Variants in PCNX2 observed in about 807,000 individuals in gnomAD.
The protein encoded by PCNX2 is pecanex 2.
PCNX2 carries 168 observed loss-of-function variants against 223.8 expected under a neutral mutation model. The ratio of observed to expected loss-of-function variants is 0.75; its 90% CI spans 0.66 to 0.85. PCNX2 has a LOEUF of 0.85. PCNX2 is among the 40% of genes least tolerant of loss of function. The pLI is 0.00. For synonymous variants in PCNX2, 1,006 were observed against 1,052.6 expected (o/e 0.96, Z 0.86); for missense variants, 2,507 against 2,675.5 (o/e 0.94, Z 1.39).
chr1:233,203,501 A>G (rs1032325778), intron 13 of PCNX2, among the ~76,000 whole-genome samples: 16 of 152,232 alleles, frequency 1.1e-4, no homozygotes, highest in Non-Finnish European at 2.4e-4. Context: ...GGATCATAAA[A>G]GAAAAAGAAA....
intron 21 of PCNX2, among the ~76,000 whole-genome samples, chr1:233,129,957 A>C (rs143936257): frequency 1.3e-5 from 2 of 152,144 alleles, no homozygotes; most frequent in East Asian, 3.9e-4. Context: ...TTTGCTGCTC[A>C]CTGTTCGGGT....
chr1:233,324,572 A>G, the PCNX2 span, among the ~76,000 whole-genome samples: 1 of 150,842 alleles, frequency 6.6e-6, no homozygotes, highest in Non-Finnish European at 1.5e-5. Context: ...ATGACAGCAC[A>G]TCTGTTTACA....
At chr1:233,299,689 G>A (rs1662229801), upstream of PCNX2, among the ~76,000 whole-genome samples, 1 of 152,156 alleles carries the variant, frequency 6.6e-6, no homozygotes, top group African/African-American at 2.4e-5. Flanking sequence ...GTTTGAGTCG[G>A]GAATATGCAG....
chr1:232,996,229 C>A (rs1669868820), intron 32 of PCNX2, among the ~76,000 whole-genome samples: 1 of 152,048 alleles, frequency 6.6e-6, no homozygotes, highest in African/African-American at 2.4e-5. Flanking sequence ...CCACCTCTGA[C>A]CCCTGTCTCT....
chr1:233,227,486 A>G, intron 9 of PCNX2, 115 bp from the exon 10 acceptor site: 1 of 927,930 alleles, frequency 1.1e-6, no homozygotes, highest in Non-Finnish European at 1.4e-6. Context: ...ACCATAATTT[A>G]AAAATACAAA....
intron 26 of PCNX2, among the ~76,000 whole-genome samples, chr1:233,020,646 C>T (rs922647329): frequency 6.6e-6 from 1 of 152,234 alleles, no homozygotes. Flanking sequence ...CAGTGATAAG[C>T]GTGTCTCCTT....
intron 19 of PCNX2, among the ~76,000 whole-genome samples, chr1:233,157,692 G>C (rs549964991): frequency 1.3e-5 from 2 of 152,340 alleles, no homozygotes; most frequent in African/African-American, 4.8e-5. Flanking sequence ...CAAAACCTAA[G>C]AGGCAGAAGT....
intron 4 of PCNX2, chr1:233,259,751 T>C (rs2102996722): frequency 3.3e-6 from 2 of 607,722 alleles, no homozygotes; most frequent in South Asian, 1.5e-4. Context: ...CTGAGAATGA[T>C]GGTTTCCAGC....
chr1:233,277,098 C>G (rs1366805351), intron 1 of PCNX2, among the ~76,000 whole-genome samples: 1 of 152,128 alleles, frequency 6.6e-6, no homozygotes, highest in African/African-American at 2.4e-5. Context: ...GCAAAGGATA[C>G]AAATCAGCAT....
the PCNX2 span, among the ~76,000 whole-genome samples, chr1:233,316,406 T>C: frequency 1.5e-4 from 22 of 150,574 alleles, no homozygotes; most frequent in African/African-American, 5.1e-4. Context: ...CACTTTTTTT[T>C]CACTTGTTTG....
intron 23 of PCNX2, among the ~76,000 whole-genome samples, chr1:233,059,131 T>C (rs1672305927): frequency 6.6e-6 from 1 of 151,916 alleles, no homozygotes; most frequent in African/African-American, 2.4e-5. Context: ...CCATTCCCAC[T>C]CATTTTTCCT....
At chr1:233,158,861 A>G (rs1045450287) in intron 19 of PCNX2, among the ~76,000 whole-genome samples, 13 of 152,204 alleles carry the variant, frequency 8.5e-5, no homozygotes, top group Admixed American at 1.3e-4. Context: ...CAGAAGTTCT[A>G]TAGAAACTGG....
intron 5 of PCNX2, among the ~76,000 whole-genome samples, 156 bp downstream of exon 5, chr1:233,257,872 C>T (rs535955579): frequency 1.3e-5 from 2 of 152,260 alleles, no homozygotes; most frequent in East Asian, 1.9e-4. Context: ...AGCTTAGTAT[C>T]GGTACATTCA....
chr1:233,320,982 T>G, the PCNX2 span, among the ~76,000 whole-genome samples: 2 of 151,888 alleles, frequency 1.3e-5, no homozygotes, highest in African/African-American at 4.8e-5. Flanking sequence ...GAATAAGAGA[T>G]TCACTTTGTT....
At chr1:233,151,477 CT>C (rs1449381413) in intron 19 of PCNX2, among the ~76,000 whole-genome samples, 1 of 152,166 alleles carries the variant, frequency 6.6e-6, no homozygotes, top group Non-Finnish European at 1.5e-5. Flanking sequence ...AACTTCCTGA[CT>C]TTTAGTGTTA....
chr1:233,317,443 A>G, the PCNX2 span, among the ~76,000 whole-genome samples: 1 of 151,590 alleles, frequency 6.6e-6, no homozygotes, highest in Non-Finnish European at 1.5e-5. Context: ...AACAAACCAA[A>G]CCAAAACAAA....
At chr1:233,205,708 A>T (rs1456103667) in intron 13 of PCNX2, among the ~76,000 whole-genome samples, 5 of 152,044 alleles carry the variant, frequency 3.3e-5, no homozygotes, top group African/African-American at 1.2e-4. Context: ...AAAAAAAAAA[A>T]CAAAACAAAA....
intron 22 of PCNX2, among the ~76,000 whole-genome samples, 187 bp from the exon 23 acceptor site, chr1:233,090,377 T>C (rs1673811362): frequency 6.6e-6 from 1 of 152,196 alleles, no homozygotes; most frequent in African/African-American, 2.4e-5. Flanking sequence ...CTGCTAGGTC[T>C]CATTTCACCA....
the PCNX2 span, among the ~76,000 whole-genome samples, chr1:233,315,910 T>C: frequency 6.6e-6 from 1 of 152,256 alleles, no homozygotes; most frequent in African/African-American, 2.4e-5. Context: ...TCCAATGAAT[T>C]GTAAATACAA....
Sources: gnomAD v4.1 joint callset for allele counts (sites outside exome capture counted in the v4.1 genomes callset) on GRCh38, gnomAD v4.1.1 for gene constraint, MANE v1.5 for transcripts, NCBI Gene and HGNC (gene_info 2026-07-23, HGNC 2026-07-21) for gene names.